The following OPHN1 variants were observed in gnomAD, a reference collection of about 807,000 sequenced individuals.
OPHN1 encodes the protein oligophrenin 1.
A neutral mutation model predicts 60.7 loss-of-function variants in OPHN1; 11 were observed. The observed-to-expected ratio is 0.18, with a 90% CI of 0.11 to 0.30. The LOEUF (loss-of-function observed/expected upper bound fraction) is 0.30. OPHN1 is among the 10% of genes least tolerant of loss of function. The pLI is 1.00. For synonymous variants in OPHN1, 226 were observed against 222.6 expected (o/e 1.02, Z -0.14); for missense variants, 449 against 611.0 (o/e 0.73, Z 2.80).
At chrX:68,192,447 T>C (rs2077492612) in intron 15 of OPHN1, among the ~76,000 whole-genome samples, 1 of 94,417 alleles carries the variant, frequency 1.1e-5, no homozygotes, top group Admixed American at 1.3e-4. Context: ...CACTCCAGCC[T>C]AGGCGACAGA....
intron 2 of OPHN1, among the ~76,000 whole-genome samples, chrX:68,417,611 C>T (rs1414876669): frequency 8.9e-6 from 1 of 112,601 alleles, no homozygotes; most frequent in Non-Finnish European, 1.9e-5. Context: ...AATGGAGAGA[C>T]CAGAGCTGCC....
At chrX:68,344,950 T>C (rs2078372185) in intron 2 of OPHN1, among the ~76,000 whole-genome samples, 3 of 111,594 alleles carry the variant, frequency 2.7e-5, no homozygotes, top group Non-Finnish European at 5.6e-5. Flanking sequence ...CTGTGTTAGG[T>C]GCCAGAGACA....
At chrX:68,266,666 T>G in intron 5 of OPHN1, among the ~76,000 whole-genome samples, 1 of 111,215 alleles carries the variant, frequency 9.0e-6, no homozygotes, top group Non-Finnish European at 1.9e-5. Flanking sequence ...AGGATCAAAT[T>G]TACACGTAAC....
intron 2 of OPHN1, among the ~76,000 whole-genome samples, chrX:68,319,259 C>T (rs1223851687): frequency 1.8e-5 from 2 of 112,118 alleles, no homozygotes; most frequent in East Asian, 2.8e-4. Flanking sequence ...AGCCACTGAA[C>T]ATGAGACATA....
chrX:68,408,374 C>T (rs899973187), intron 2 of OPHN1, among the ~76,000 whole-genome samples: 1 of 111,894 alleles, frequency 8.9e-6, no homozygotes, highest in Admixed American at 9.6e-5. Context: ...CCTCACTTCA[C>T]CTCCAAATCC....
chrX:68,339,229 A>C (rs2147688537), intron 2 of OPHN1, among the ~76,000 whole-genome samples: 1 of 109,807 alleles, frequency 9.1e-6, no homozygotes, highest in Admixed American at 1.0e-4. Flanking sequence ...CTTTATAAAA[A>C]CATTCAACAA....
chrX:68,319,553 C>A (rs2078225321), intron 2 of OPHN1, among the ~76,000 whole-genome samples: 1 of 110,088 alleles, frequency 9.1e-6, no homozygotes, highest in African/African-American at 3.3e-5. Context: ...ATGGACAACA[C>A]AGTAAGGCCC....
At chrX:68,239,308 C>T (rs2077769079) in intron 5 of OPHN1, among the ~76,000 whole-genome samples, 1 of 110,178 alleles carries the variant, frequency 9.1e-6, no homozygotes, top group African/African-American at 3.3e-5. Context: ...CGGCTGTGTT[C>T]TTCCGCCTGT....
chrX:68,342,511 T>C lies in OPHN1; in HGVS notation c.155-43415A>G, dbSNP rs1247447623. On this transcript the variant is annotated intron_variant, in intron 2 of 24. Transcript: ENST00000355520. ...GTTCATCATACTATTCTCTCTACTT[T>C]TATGTTTGATATTTCAAAATAAAAT... is the stretch of plus-strand genomic sequence containing the variant. Among the ~76,000 whole-genome samples, 4 of 112,251 alleles carry C rather than the reference T, an allele frequency of 3.6e-5. No individual in the cohort carries two copies. The Admixed American group carries it at 3.8e-4, about 11-fold the overall frequency.
In OPHN1 at chrX:68,144,417, A is replaced by T. The variant is rs1305457626; in HGVS notation, c.1277-25085T>A. Among the ~76,000 whole-genome samples the T allele has an allele frequency of 7.2e-5, 8 of 111,660 alleles. No homozygotes were observed. In the East Asian group the frequency reaches 2.2e-3, roughly 31 times the overall value. ...GGACTAAGAACAACACTGAAAAAAC[A>T]ATAGCACAGATAATAAGCATTAAGT... On this transcript the variant is annotated intron_variant, in intron 15 of 24. Coordinates refer to ENST00000355520, the MANE Select transcript of OPHN1 (RefSeq NM_002547.3).
chrX:68,194,093 A>G (rs2077500778), intron 13 of OPHN1, 141 bp from the exon 14 acceptor site: 1 of 530,493 alleles, frequency 1.9e-6, no homozygotes, highest in African/African-American at 2.3e-5. Flanking sequence ...AAATGGAAAG[A>G]GTCATTTTTT....
intron 15 of OPHN1, among the ~76,000 whole-genome samples, chrX:68,155,252 G>A (rs1411126452): frequency 8.9e-6 from 1 of 111,884 alleles, no homozygotes; most frequent in African/African-American, 3.2e-5. Context: ...AAAGGAAAAT[G>A]AAAAATTTAC....
At chrX:68,155,430 G>A (rs1335070411) in intron 15 of OPHN1, among the ~76,000 whole-genome samples, 1 of 111,743 alleles carries the variant, frequency 8.9e-6, no homozygotes, top group Non-Finnish European at 1.9e-5. Flanking sequence ...TCAGGGGGCA[G>A]TTTCCCCCAT....
At chrX:68,342,754 C>A (rs1007419088) in intron 2 of OPHN1, among the ~76,000 whole-genome samples, 1 of 110,164 alleles carries the variant, frequency 9.1e-6, no homozygotes, top group Non-Finnish European at 1.9e-5. Context: ...CCAGCCTGGG[C>A]AGCATGGTAA....
rs963218536 is a variant in OPHN1 at position 68,045,545 on chromosome X, C to T, written c.*1627G>A. The T allele has an allele frequency of 4.5e-5, 5 of 111,858 alleles. No individual in the cohort carries two copies. The highest frequency in any genetic ancestry group is 1.6e-4 in the African/African-American group (5 of 30,717). The allele number at this position is 111,858 out of a possible 1,213,427, so 9.2% of individuals were successfully genotyped here. A position where few individuals can be genotyped will look rare whatever the true frequency, so the allele number is the denominator to read the frequency against. ...GTGCAAGTAGGAAAGCTCTTTCCCT[C>T]ACACTGGGCAACATTATAATTATAC... On this transcript the variant is annotated 3_prime_UTR_variant, in exon 25 of 25. Transcript: ENST00000355520.
chrX:68,334,881 C>G (rs750433551), intron 2 of OPHN1, among the ~76,000 whole-genome samples: 1 of 109,805 alleles, frequency 9.1e-6, no homozygotes, highest in African/African-American at 3.3e-5. Context: ...GAGGCTGAGG[C>G]AGGAGGATTA....
chrX:68,146,107 GAATT>G (rs2077262840), intron 15 of OPHN1, among the ~76,000 whole-genome samples: 1 of 112,190 alleles, frequency 8.9e-6, no homozygotes, highest in Admixed American at 9.5e-5. Flanking sequence ...TTAAAAATTA[GAATT>G]AACTGCTAGC....
At chrX:68,172,039 G>C (rs1445987762) in intron 15 of OPHN1, among the ~76,000 whole-genome samples, 2 of 111,533 alleles carry the variant, frequency 1.8e-5, no homozygotes, top group African/African-American at 3.3e-5. Flanking sequence ...AAATAGTGCA[G>C]TCATTTTGGA....
rs752312656 is a variant in OPHN1, at chrX:68,247,238, ACT to A, written c.385-12652_385-12651del. Among the ~76,000 whole-genome samples the A allele has an allele frequency of 1.5e-3, 169 of 110,446 alleles. 2 individuals are homozygous for A. The highest frequency in any genetic ancestry group is 5.3e-3 in the African/African-American group (161 of 30,389). On this transcript the variant is annotated intron_variant, in intron 5 of 24. Transcript: ENST00000355520. ...TATCTTTGTTTGCAGTCCTTCCTGT[ACT>A]CTCTCTGTGTACACGATCATATTAT...
Sources: gnomAD v4.1 joint callset for allele counts (sites outside exome capture counted in the v4.1 genomes callset) on GRCh38, gnomAD v4.1.1 for gene constraint, MANE v1.5 for transcripts, NCBI Gene and HGNC (gene_info 2026-07-23, HGNC 2026-07-21) for gene names.